Variants in SIAH3 observed in about 807,000 individuals in gnomAD.
SIAH3 encodes the protein siah E3 ubiquitin protein ligase family member 3, also known as seven in absentia homolog 3.
A neutral mutation model predicts 12.6 loss-of-function variants in SIAH3; 9 were observed. The ratio of observed to expected loss-of-function variants is 0.72; its 90% CI spans 0.43 to 1.25. The LOEUF (loss-of-function observed/expected upper bound fraction) is 1.25, where lower values mean the gene tolerates loss of function less well. SIAH3 is among the 50% of genes most tolerant of loss of function. The probability of loss-of-function intolerance (pLI) is 0.00; values close to 1 mark genes in which losing one functional copy is unlikely to be tolerated. For synonymous variants in SIAH3, 154 were observed against 151.1 expected (o/e 1.02, Z -0.14); for missense variants, 390 against 365.4 (o/e 1.07, Z -0.55).
rs182225639 is a variant in SIAH3, at chr13:45,779,961, C to T, written c.*3422G>A. 5.3e-5 allele frequency: 8 copies of T among 152,308 alleles called. No individual in the cohort carries two copies. The highest frequency in any genetic ancestry group is 2.0e-4 in the Admixed American group (3 of 15,292). The allele number at this position is 152,308 out of a possible 1,614,324, so 9.4% of individuals were successfully genotyped here. A position where few individuals can be genotyped will look rare whatever the true frequency, so the allele number is the denominator to read the frequency against. ...GGGGAGGAATGCTCCTCTCTCCACA[C>T]CTCCTGAAAAAAACCTCTGGCAGAT... On this transcript the variant is annotated 3_prime_UTR_variant, in exon 2 of 2. Transcript: ENST00000400405.
rs374674301 is a variant in SIAH3, at chr13:45,851,640, G to C, written c.-11C>G. 5 of 1,614,104 alleles carry C rather than the reference G, an allele frequency of 3.1e-6. No individual in the cohort carries two copies. The Admixed American group carries it at 5.0e-5, about 16-fold the overall frequency. On this transcript the variant is annotated 5_prime_UTR_variant, in exon 1 of 2. Transcript: ENST00000400405. ...GGTAAAGAAAAGCATCACAACTTTT[G>C]GGGGGTTGTTGGTCCGGGAAGGCAG...
At chr13:45,827,061 G>A (rs1230526456) in intron 1 of SIAH3, among the ~76,000 whole-genome samples, 1 of 152,138 alleles carries the variant, frequency 6.6e-6, no homozygotes, top group Non-Finnish European at 1.5e-5. Context: ...TGTCAGCTAA[G>A]TGGCCACTCT....
At chr13:45,784,398 G>GTTTTTTTTTTTTT (rs35686357) in intron 1 of SIAH3, among the ~76,000 whole-genome samples, 13 of 65,794 alleles carry the variant, frequency 2.0e-4, no homozygotes, top group South Asian at 7.0e-4. Context: ...AAAGACAGCT[G>GTTTTTTTTTTTTT]TTTTTTTTTT....
intron 1 of SIAH3, among the ~76,000 whole-genome samples, chr13:45,838,573 G>T (rs916888619): frequency 1.3e-5 from 2 of 152,092 alleles, no homozygotes; most frequent in Non-Finnish European, 2.9e-5. Context: ...ACGCTGGGGG[G>T]CACTGTGACA....
At chr13:45,843,034 C>CTCTGTGTGTGTGTG (rs560128772) in intron 1 of SIAH3, among the ~76,000 whole-genome samples, 4 of 139,188 alleles carry the variant, frequency 2.9e-5, no homozygotes, top group African/African-American at 1.1e-4. Context: ...CTCTCTCTCT[C>CTCTGTGTGTGTGTG]TGTGTGTGTG....
intron 1 of SIAH3, among the ~76,000 whole-genome samples, chr13:45,804,818 C>T (rs12873236): frequency 6.6e-6 from 1 of 152,088 alleles, no homozygotes; most frequent in African/African-American, 2.4e-5. Context: ...CTAGAAAACC[C>T]TAAAGGCTCC....
intron 1 of SIAH3, among the ~76,000 whole-genome samples, chr13:45,823,689 C>T (rs775604660): frequency 6.6e-6 from 1 of 152,248 alleles, no homozygotes; most frequent in Non-Finnish European, 1.5e-5. Flanking sequence ...TCTCATCACT[C>T]AGCACTATCC....
intron 1 of SIAH3, among the ~76,000 whole-genome samples, chr13:45,786,639 A>G (rs1019940193): frequency 2.6e-5 from 4 of 152,256 alleles, no homozygotes; most frequent in African/African-American, 9.6e-5. Flanking sequence ...TACAAACTTT[A>G]TCAAGTGTTA....
intron 1 of SIAH3, among the ~76,000 whole-genome samples, chr13:45,848,671 G>A (rs1593390993): frequency 6.6e-6 from 1 of 152,188 alleles, no homozygotes; most frequent in Admixed American, 6.5e-5. Context: ...TCTCAGGAAA[G>A]CCCAGGAAAG....
intron 1 of SIAH3, among the ~76,000 whole-genome samples, chr13:45,830,252 C>A (rs547814753): frequency 1.3e-5 from 2 of 152,204 alleles, no homozygotes; most frequent in Non-Finnish European, 2.9e-5. Flanking sequence ...TGAGCCTGTA[C>A]ATCCAAGTTC....
Position 45,779,474 on chromosome 13 carries a change from C to T in SIAH3, c.*3909G>A, listed in dbSNP as rs950856359. The T allele has an allele frequency of 6.6e-6, 1 of 152,164 alleles. No individual in the cohort carries two copies. The highest frequency in any genetic ancestry group is 1.5e-5 in the Non-Finnish European group (1 of 68,038). The allele number at this position is 152,164 out of a possible 1,614,324, so 9.4% of individuals were successfully genotyped here. ...CTAAAAGGCCTCTATGCCATTCACA[C>T]TTTATGACTCGGTCCTTCTGAGCCT... is the stretch of plus-strand genomic sequence containing the variant. On this transcript the variant is annotated 3_prime_UTR_variant, in exon 2 of 2. Coordinates refer to ENST00000400405, the MANE Select transcript of SIAH3 (RefSeq NM_198849.3).
chr13:45,785,269 G>A lies in SIAH3; in HGVS notation c.136-1212C>T, dbSNP rs557960029. Reference sequence around the variant, plus strand: ...CTGCAGTGCGCTCCAGGCATGAGTCGCTCACCTTGCAGCCATTTCCTAGGC... The same window carrying A: ...CTGCAGTGCGCTCCAGGCATGAGTCACTCACCTTGCAGCCATTTCCTAGGC... On this transcript the variant is annotated intron_variant, in intron 1 of 1. Transcript: ENST00000400405. Among the ~76,000 whole-genome samples the A allele has an allele frequency of 4.6e-5, 7 of 152,292 alleles. No homozygotes were observed. The East Asian group carries it at 7.7e-4, about 17-fold the overall frequency.
intron 1 of SIAH3, among the ~76,000 whole-genome samples, chr13:45,839,591 G>A (rs903369752): frequency 6.6e-6 from 1 of 152,214 alleles, no homozygotes; most frequent in Non-Finnish European, 1.5e-5. Flanking sequence ...CCAGCACTTT[G>A]GGAGGCCAAG....
intron 1 of SIAH3, 65 bp from the exon 2 acceptor site, chr13:45,784,122 T>C: frequency 6.9e-7 from 1 of 1,443,364 alleles, no homozygotes; most frequent in Non-Finnish European, 9.4e-7. Context: ...GCCACTCCCC[T>C]GATGTTCAAA....
At chr13:45,801,384 C>T (rs1950581988) in intron 1 of SIAH3, among the ~76,000 whole-genome samples, 1 of 152,058 alleles carries the variant, frequency 6.6e-6, no homozygotes, top group Admixed American at 6.6e-5. Context: ...GTGCTTTCCA[C>T]CGACTGATGA....
intron 1 of SIAH3, among the ~76,000 whole-genome samples, chr13:45,791,425 C>T (rs112208913): frequency 9.4e-4 from 143 of 152,310 alleles, no homozygotes; most frequent in African/African-American, 3.4e-3. Flanking sequence ...TTTTGGACCA[C>T]ATCAATGGAA....
intron 1 of SIAH3, among the ~76,000 whole-genome samples, chr13:45,822,733 A>G (rs1950660722): frequency 6.6e-6 from 1 of 151,820 alleles, no homozygotes; most frequent in Admixed American, 6.6e-5. Flanking sequence ...TGGATGACAA[A>G]TGTTTGCTGT....
chr13:45,846,038 C>T (rs1460445124), intron 1 of SIAH3, among the ~76,000 whole-genome samples: 1 of 147,468 alleles, frequency 6.8e-6, no homozygotes, highest in East Asian at 2.1e-4. Context: ...TGAAGGCAAC[C>T]TGGGGCAGTG....
At chr13:45,785,908 A>T (rs866239848) in intron 1 of SIAH3, among the ~76,000 whole-genome samples, 1 of 152,198 alleles carries the variant, frequency 6.6e-6, no homozygotes, top group African/African-American at 2.4e-5. Context: ...GATGAGTCTG[A>T]CTTATCCCTC....
Sources: gnomAD v4.1 joint callset for allele counts (sites outside exome capture counted in the v4.1 genomes callset) on GRCh38, gnomAD v4.1.1 for gene constraint, MANE v1.5 for transcripts, NCBI Gene and HGNC (gene_info 2026-07-23, HGNC 2026-07-21) for gene names.